Variants in KATNIP observed in about 807,000 individuals in gnomAD.
KATNIP encodes katanin interacting protein, also known as katanin-interacting protein.
In KATNIP, 126 loss-of-function variants were observed where a neutral mutation model predicts 174.0. The ratio of observed to expected loss-of-function variants is 0.72; its 90% CI spans 0.63 to 0.84. KATNIP has a LOEUF of 0.84. Ranked by LOEUF, KATNIP falls within the 40% of genes least tolerant of loss-of-function variation. The pLI is 0.00. For missense variants in KATNIP, 1,958 were observed against 2,109.7 expected (o/e 0.93, Z 1.41); for synonymous variants, 810 against 835.7 (o/e 0.97, Z 0.53).
intron 23 of KATNIP, 103 bp from the exon 24 acceptor site, chr16:27,774,842 C>A: frequency 6.6e-6 from 9 of 1,372,918 alleles, no homozygotes; most frequent in South Asian, 1.3e-5. Context: ...AAAGCATCAG[C>A]CCTGCCAGCC....
intron 14 of KATNIP, among the ~76,000 whole-genome samples, chr16:27,729,714 T>C (rs2143214755): frequency 6.6e-6 from 1 of 152,316 alleles, no homozygotes; most frequent in South Asian, 2.1e-4. Context: ...TGCCTGTCTG[T>C]CCACCCACAC....
intron 8 of KATNIP, among the ~76,000 whole-genome samples, chr16:27,694,217 G>A (rs1313704904): frequency 1.3e-5 from 2 of 152,180 alleles, no homozygotes; most frequent in Non-Finnish European, 2.9e-5. Flanking sequence ...TCCTGCCAGT[G>A]ACATTCTTGA....
At chr16:27,564,735 G>A (rs893008336) in intron 1 of KATNIP, among the ~76,000 whole-genome samples, 4 of 151,490 alleles carry the variant, frequency 2.6e-5, no homozygotes, top group East Asian at 1.9e-4. Flanking sequence ...TTGCAGAGCC[G>A]GTGTCTGCCT....
At chr16:27,655,177 G>C (rs1321679766) in intron 6 of KATNIP, among the ~76,000 whole-genome samples, 1 of 38,526 alleles carries the variant, frequency 2.6e-5, no homozygotes, top group African/African-American at 6.6e-5. Flanking sequence ...CCCTAGAATG[G>C]ATATATATAT....
chr16:27,610,190 C>T (rs1021288697), intron 2 of KATNIP, among the ~76,000 whole-genome samples: 1 of 152,080 alleles, frequency 6.6e-6, no homozygotes, highest in Admixed American at 6.6e-5. Context: ...CATCAGGCCC[C>T]CCAGGTGGCA....
chr16:27,746,724 A>C (rs2081309203), intron 15 of KATNIP, among the ~76,000 whole-genome samples: 1 of 152,206 alleles, frequency 6.6e-6, no homozygotes, highest in Non-Finnish European at 1.5e-5. Context: ...AGCAAGGGCA[A>C]AGGCTCTGAG....
At chr16:27,641,961 C>A (rs1325062107) in intron 5 of KATNIP, among the ~76,000 whole-genome samples, 1 of 152,376 alleles carries the variant, frequency 6.6e-6, no homozygotes, top group Admixed American at 6.5e-5. Context: ...CCCCGTGGTC[C>A]CTCCTCCTTG....
At chr16:27,632,464 A>G (rs570319819) in intron 5 of KATNIP, 21 of 389,470 alleles carry the variant, frequency 5.4e-5, no homozygotes, top group African/African-American at 3.1e-4. Context: ...ATGCCTCTCC[A>G]TGGATCCCAT....
chr16:27,552,430 A>G (rs1291023847), intron 1 of KATNIP, among the ~76,000 whole-genome samples: 1 of 148,172 alleles, frequency 6.7e-6, no homozygotes, highest in Non-Finnish European at 1.5e-5. Flanking sequence ...GCTGGAGTGC[A>G]GTGGCACGAT....
At chr16:27,778,061 C>G (rs1051711022) in intron 27 of KATNIP, 92 bp downstream of exon 27, 52 of 1,098,552 alleles carry the variant, frequency 4.7e-5, no homozygotes, top group Non-Finnish European at 6.8e-5. Flanking sequence ...CACCCTCACC[C>G]CTGCCTGCCC....
chr16:27,707,180 G>A (rs1329942099), intron 12 of KATNIP, among the ~76,000 whole-genome samples: 1 of 152,192 alleles, frequency 6.6e-6, no homozygotes, highest in East Asian at 1.9e-4. Flanking sequence ...AACAGTTGCT[G>A]TTCATTTGCT....
intron 14 of KATNIP, chr16:27,727,857 C>T (rs1357683771): frequency 2.6e-5 from 4 of 152,244 alleles, no homozygotes; most frequent in African/African-American, 7.2e-5. Flanking sequence ...ATAAATCCTT[C>T]AGTATACATC....
At chr16:27,721,065 G>A (rs187948873) in intron 13 of KATNIP, among the ~76,000 whole-genome samples, 315 of 152,262 alleles carry the variant, frequency 2.1e-3, no homozygotes, top group African/African-American at 7.2e-3. Context: ...AAATCCCAGG[G>A]CTCAGTGCCC....
intron 8 of KATNIP, among the ~76,000 whole-genome samples, chr16:27,682,270 C>T (rs2078373235): frequency 1.3e-5 from 2 of 152,294 alleles, no homozygotes; most frequent in Admixed American, 1.3e-4. Context: ...CAGCCACTAT[C>T]GTAAGCTTTT....
intron 13 of KATNIP, among the ~76,000 whole-genome samples, chr16:27,721,234 C>G (rs1203607479): frequency 6.6e-6 from 1 of 152,222 alleles, no homozygotes; most frequent in Non-Finnish European, 1.5e-5. Context: ...TTTCCCCTCC[C>G]CCAGCGCTCT....
chr16:27,646,510 A>C (rs2076961166), intron 5 of KATNIP, among the ~76,000 whole-genome samples: 1 of 152,158 alleles, frequency 6.6e-6, no homozygotes, highest in African/African-American at 2.4e-5. Context: ...GTTGGGAGGA[A>C]ATTGGGCCCC....
chr16:27,555,911 C>T (rs1219234436), intron 1 of KATNIP, among the ~76,000 whole-genome samples: 1 of 151,598 alleles, frequency 6.6e-6, no homozygotes, highest in Admixed American at 6.6e-5. Flanking sequence ...GGGTGGATCA[C>T]GAGGTCAGGA....
chr16:27,671,329 GCTT>G (rs1431973172), intron 6 of KATNIP, among the ~76,000 whole-genome samples: 2 of 152,010 alleles, frequency 1.3e-5, no homozygotes, highest in South Asian at 2.1e-4. Context: ...TTTTCAACAC[GCTT>G]CTTTTTACTT....
chr16:27,724,337 A>G (rs571762866), intron 14 of KATNIP, among the ~76,000 whole-genome samples: 164 of 152,352 alleles, frequency 1.1e-3, no homozygotes, highest in Middle Eastern at 3.4e-3. Context: ...TGTGCCCTGC[A>G]GCTCGGCCCT....
Sources: gnomAD v4.1 joint callset for allele counts (sites outside exome capture counted in the v4.1 genomes callset) on GRCh38, gnomAD v4.1.1 for gene constraint, MANE v1.5 for transcripts, NCBI Gene and HGNC (gene_info 2026-07-23, HGNC 2026-07-21) for gene names.